SNAP91: variants seen among roughly 807,000 people sequenced by gnomAD.
The protein encoded by SNAP91 is clathrin coat assembly protein AP180.
In SNAP91, 27 loss-of-function variants were observed where a neutral mutation model predicts 100.3. The ratio of observed to expected loss-of-function variants is 0.27; its 90% CI spans 0.20 to 0.37. The LOEUF is 0.37. SNAP91 is among the 10% of genes least tolerant of loss of function. The pLI, the probability that SNAP91 is intolerant of heterozygous loss-of-function variation, is 1.00. For synonymous variants in SNAP91, 404 were observed against 398.6 expected (o/e 1.01, Z -0.16); for missense variants, 986 against 1,123.7 (o/e 0.88, Z 1.75).
intron 10 of SNAP91, among the ~76,000 whole-genome samples, chr6:83,615,750 A>T (rs2096448981): frequency 6.6e-6 from 1 of 152,226 alleles, no homozygotes; most frequent in Admixed American, 6.5e-5. Context: ...TAACTTGAAA[A>T]AATATTATAG....
chr6:83,587,413 C>G (rs1278553696), intron 22 of SNAP91, among the ~76,000 whole-genome samples: 1 of 152,116 alleles, frequency 6.6e-6, no homozygotes, highest in Non-Finnish European at 1.5e-5. Context: ...TCACAGGATT[C>G]TAGAGAATCT....
intron 7 of SNAP91, among the ~76,000 whole-genome samples, chr6:83,647,078 GT>G (rs34565370): frequency 0.025 from 3,675 of 145,948 alleles, 69 homozygotes; most frequent in East Asian, 0.058. Flanking sequence ...AGTTCCAGGA[GT>G]TTTTTTTTTT....
rs199964263 is a variant in SNAP91 at position 83,656,743 on chromosome 6, G to C, written c.658+11C>G. 29 of 1,342,986 alleles carry C rather than the reference G, an allele frequency of 2.2e-5. No individual in the cohort carries two copies. Among genetic ancestry groups the C allele is most frequent in the Non-Finnish European group, 2.8e-5 (27 of 947,676 alleles). 83.2% of individuals were successfully genotyped at this position (1,342,986 alleles called of 1,614,324 possible). On this transcript the variant is annotated intron_variant, in intron 7 of 29. Coordinates refer to ENST00000369694, the MANE Select transcript of SNAP91 (RefSeq NM_001242792.2). ...CCATCAGCCCAGACATGTTTCGGTT[G>C]TTCCACCTACCGAGTAAGTTAATAA...
intron 8 of SNAP91, among the ~76,000 whole-genome samples, chr6:83,639,926 T>C (rs1373665847): frequency 6.6e-6 from 1 of 152,042 alleles, no homozygotes; most frequent in Non-Finnish European, 1.5e-5. Context: ...TCATACCAAA[T>C]ACAAAAAACA....
intron 22 of SNAP91, among the ~76,000 whole-genome samples, chr6:83,583,695 T>A (rs560184517): frequency 6.6e-6 from 1 of 152,318 alleles, no homozygotes; most frequent in South Asian, 2.1e-4. Flanking sequence ...CCAGCCACAT[T>A]GTCTCTTCTT....
rs558592490 is a variant in SNAP91, at chr6:83,644,786, T to G, written c.659-3584A>C. 1.3e-4 allele frequency among the ~76,000 whole-genome samples: 20 copies of G among 152,322 alleles called. No individual in the cohort carries two copies. In the South Asian group the frequency reaches 4.2e-3, roughly 32 times the overall value. On this transcript the variant is annotated intron_variant, in intron 7 of 29. Coordinates refer to ENST00000369694, the MANE Select transcript of SNAP91 (RefSeq NM_001242792.2). ...TGAAGATTTATAGCACCAATATTGA[T>G]TCCAACATTAGGTGTAAAGTATTGG...
chr6:83,705,998 C>T (rs1258073097), intron 2 of SNAP91, among the ~76,000 whole-genome samples: 1 of 152,216 alleles, frequency 6.6e-6, no homozygotes, highest in Admixed American at 6.5e-5. Flanking sequence ...AACATGGAAT[C>T]TTCCCCCTAT....
At chr6:83,591,381 CA>C in intron 21 of SNAP91, 87 bp from the exon 22 acceptor site, 1 of 859,776 alleles carries the variant, frequency 1.2e-6, no homozygotes, top group African/African-American at 1.6e-5. Flanking sequence ...TAGAGAAATG[CA>C]GAGACATGAC....
intron 8 of SNAP91, among the ~76,000 whole-genome samples, chr6:83,638,185 G>A (rs537047782): frequency 8.5e-5 from 13 of 152,282 alleles, no homozygotes; most frequent in East Asian, 5.8e-4. Context: ...TGGTGGCTCC[G>A]AGCAGGTTTC....
chr6:83,676,339 T>C (rs2098897056), intron 2 of SNAP91, among the ~76,000 whole-genome samples: 1 of 151,340 alleles, frequency 6.6e-6, no homozygotes, highest in Non-Finnish European at 1.5e-5. Context: ...TTATGAAAAA[T>C]AAAAAAGTAA....
chr6:83,611,641 G>T (rs1314852471), intron 11 of SNAP91, among the ~76,000 whole-genome samples: 1 of 151,448 alleles, frequency 6.6e-6, no homozygotes, highest in African/African-American at 2.4e-5. Context: ...ACAATATTAT[G>T]AATTTTTGTC....
chr6:83,607,611 G>T, intron 13 of SNAP91, 88 bp downstream of exon 13: 2 of 767,386 alleles, frequency 2.6e-6, no homozygotes, highest in Non-Finnish European at 4.1e-6. Flanking sequence ...ATTTCCTTTG[G>T]TGAAATCATT....
intron 26 of SNAP91, among the ~76,000 whole-genome samples, chr6:83,566,549 G>C (rs1483093002): frequency 6.6e-6 from 1 of 152,098 alleles, no homozygotes; most frequent in Non-Finnish European, 1.5e-5. Context: ...TGAACCTGCA[G>C]AAATTCCTGA....
At chr6:83,644,702 T>C (rs1011215559) in intron 7 of SNAP91, among the ~76,000 whole-genome samples, 2 of 152,224 alleles carry the variant, frequency 1.3e-5, no homozygotes, top group Non-Finnish European at 2.9e-5. Flanking sequence ...CTAATGACCA[T>C]TAGTCAGGGA....
Position 83,607,708 on chromosome 6 carries a change from A to T in SNAP91, c.1013T>A (p.Val338Asp), listed in dbSNP as rs1475806447. ...VDLFATASAA[V>D]PVSTSKPSSD... ...ATATTTATTTACCAACCTGACTGGG[A>T]CAGCCGCAGATGCAGTTGCAAATAA... The change falls in exon 13 of 30, where the codon GTC becomes GAC. Residue 338 changes from valine to aspartate, a missense_variant. Val to Asp is a radical substitution (Grantham distance 152). Transcript: ENST00000369694. The T allele has an allele frequency of 7.6e-6, 12 of 1,571,376 alleles. No individual in the cohort carries two copies. Among genetic ancestry groups the T allele is most frequent in the Non-Finnish European group, 1.0e-5 (12 of 1,156,226 alleles).
At chr6:83,676,294 G>A (rs2098894292) in intron 2 of SNAP91, among the ~76,000 whole-genome samples, 2 of 152,054 alleles carry the variant, frequency 1.3e-5, no homozygotes, top group Admixed American at 1.3e-4. Flanking sequence ...GAAACACGCA[G>A]ACAACTAGAC....
In SNAP91 at chr6:83,608,271, A is replaced by G. The variant is rs2095772824; in HGVS notation, c.913-463T>C. ...CAAATCCAGAAATCTAACTTGCAAA[A>G]TAGTTCACAGTTGGAAGAGAACGAT... On this transcript the variant is annotated intron_variant, in intron 12 of 29. Coordinates refer to ENST00000369694, the MANE Select transcript of SNAP91 (RefSeq NM_001242792.2). Among the ~76,000 whole-genome samples, 2 of 152,190 alleles carry G rather than the reference A, an allele frequency of 1.3e-5. 1 individual carries two copies. The highest frequency in any genetic ancestry group is 3.8e-4 in the East Asian group (2 of 5,198).
intron 6 of SNAP91, among the ~76,000 whole-genome samples, chr6:83,657,738 A>G (rs1229545959): frequency 1.3e-5 from 2 of 150,524 alleles, no homozygotes; most frequent in African/African-American, 4.9e-5. Flanking sequence ...TCTACATGTC[A>G]AAATATTTTA....
chr6:83,600,324 G>A (rs2095033033), intron 16 of SNAP91, among the ~76,000 whole-genome samples: 3 of 152,120 alleles, frequency 2.0e-5, no homozygotes, highest in Admixed American at 6.5e-5. Flanking sequence ...TATGTTCCCA[G>A]GGGTACATAT....
Sources: allele counts gnomAD v4.1 joint callset (sites outside exome capture counted in the v4.1 genomes callset), GRCh38; gene constraint gnomAD v4.1.1; transcripts MANE v1.5; gene names NCBI Gene and HGNC (gene_info 2026-07-23, HGNC 2026-07-21).